PDE1A: variants seen among roughly 807,000 people sequenced by gnomAD.
PDE1A encodes the protein phosphodiesterase 1A, also known as dual specificity calcium/calmodulin-dependent 3',5'-cyclic nucleotide phosphodiesterase 1A.
PDE1A carries 35 observed loss-of-function variants against 61.7 expected under a neutral mutation model. The observed-to-expected ratio is 0.57, with a 90% CI of 0.43 to 0.75. The LOEUF is 0.75. Among genes scored for constraint, PDE1A ranks in the 30% least tolerant of loss-of-function variants. The pLI is 0.00. For synonymous variants in PDE1A, 232 were observed against 213.2 expected (o/e 1.09, Z -0.77); for missense variants, 597 against 630.6 (o/e 0.95, Z 0.57).
the PDE1A span, among the ~76,000 whole-genome samples, chr2:182,630,129 T>C: frequency 6.6e-6 from 1 of 151,950 alleles, no homozygotes; most frequent in Non-Finnish European, 1.5e-5. Context: ...CATTCAAACA[T>C]TTTTTTTCCA....
the PDE1A span, among the ~76,000 whole-genome samples, chr2:182,634,413 T>C: frequency 2.0e-5 from 3 of 152,150 alleles, no homozygotes; most frequent in East Asian, 1.9e-4. Flanking sequence ...CAAATGTTTA[T>C]AATACTAAGA....
intron 2 of PDE1A, among the ~76,000 whole-genome samples, chr2:182,258,164 T>A (rs570114153): frequency 4.1e-4 from 61 of 148,034 alleles, no homozygotes; most frequent in African/African-American, 1.4e-3. Context: ...TGAGACTCCA[T>A]CTCGAAAAAA....
chr2:182,309,076 T>C (rs993172578), intron 1 of PDE1A, among the ~76,000 whole-genome samples: 2 of 151,928 alleles, frequency 1.3e-5, no homozygotes, highest in African/African-American at 2.4e-5. Context: ...AAAGCAGAGT[T>C]TGCAAATTAA....
At chr2:182,661,292 A>C in the PDE1A span, among the ~76,000 whole-genome samples, 1 of 152,172 alleles carries the variant, frequency 6.6e-6, no homozygotes, top group African/African-American at 2.4e-5. Context: ...TAGGTGTATA[A>C]TTTTCTGAGA....
chr2:182,516,062 A>G (rs899984911), intron 2 of PDE1A, among the ~76,000 whole-genome samples: 1 of 151,722 alleles, frequency 6.6e-6, no homozygotes, highest in Non-Finnish European at 1.5e-5. Flanking sequence ...GGCATGTATT[A>G]GATTTTTATT....
intron 1 of PDE1A, among the ~76,000 whole-genome samples, chr2:182,312,616 T>G (rs1472886065): frequency 1.3e-5 from 2 of 152,200 alleles, no homozygotes; most frequent in South Asian, 2.1e-4. Context: ...AGATTGTCCA[T>G]ATATATGTGG....
At chr2:182,407,891 TTA>T (rs1408255219) in intron 1 of PDE1A, among the ~76,000 whole-genome samples, 2 of 152,150 alleles carry the variant, frequency 1.3e-5, no homozygotes, top group Non-Finnish European at 2.9e-5. Context: ...TATGTATATG[TTA>T]TATATGTGTG....
chr2:182,206,735 C>G (rs1300125065), intron 7 of PDE1A, among the ~76,000 whole-genome samples: 2 of 152,152 alleles, frequency 1.3e-5, no homozygotes, highest in Non-Finnish European at 2.9e-5. Flanking sequence ...GGGGAGGGAC[C>G]TGGTGGGAGG....
intron 2 of PDE1A, among the ~76,000 whole-genome samples, chr2:182,482,700 T>C (rs4666837): frequency 0.16 from 24,818 of 151,976 alleles, 2,519 homozygotes; most frequent in Middle Eastern, 0.31. Flanking sequence ...ACTGCCCTAC[T>C]GGGTCAACAT....
the PDE1A span, among the ~76,000 whole-genome samples, chr2:182,612,678 T>G: frequency 5.3e-5 from 8 of 152,218 alleles, no homozygotes; most frequent in Non-Finnish European, 8.8e-5. Context: ...CATTGGGGCC[T>G]CTATAAAGAT....
the PDE1A span, among the ~76,000 whole-genome samples, chr2:182,704,621 A>G: frequency 6.6e-6 from 1 of 152,230 alleles, no homozygotes; most frequent in Non-Finnish European, 1.5e-5. Flanking sequence ...AAAATAATCC[A>G]TTACATATTA....
At chr2:182,234,158 A>G (rs1689812250) in intron 4 of PDE1A, among the ~76,000 whole-genome samples, 1 of 152,182 alleles carries the variant, frequency 6.6e-6, no homozygotes, top group African/African-American at 2.4e-5. Flanking sequence ...TTCAAGATCC[A>G]CATAAATAAA....
At chr2:182,188,671 T>A (rs1685447501) in intron 11 of PDE1A, among the ~76,000 whole-genome samples, 1 of 152,202 alleles carries the variant, frequency 6.6e-6, no homozygotes, top group African/African-American at 2.4e-5. Flanking sequence ...AGAATTAAAT[T>A]ACAGAAAACA....
chr2:182,327,994 C>T (rs745867317), intron 1 of PDE1A, among the ~76,000 whole-genome samples: 1 of 152,172 alleles, frequency 6.6e-6, no homozygotes, highest in Non-Finnish European at 1.5e-5. Flanking sequence ...CAGGCAGGCT[C>T]TTCTACGTTT....
At chr2:182,350,957 G>A (rs1273104239) in intron 1 of PDE1A, among the ~76,000 whole-genome samples, 1 of 152,180 alleles carries the variant, frequency 6.6e-6, no homozygotes, top group East Asian at 1.9e-4. Flanking sequence ...TTACCACTCT[G>A]TAACTTTTAT....
chr2:182,448,607 A>G (rs1559473089), intron 2 of PDE1A, among the ~76,000 whole-genome samples: 2 of 152,116 alleles, frequency 1.3e-5, no homozygotes, highest in African/African-American at 4.8e-5. Flanking sequence ...TTCTTTCCAC[A>G]TTATATCCAA....
intron 1 of PDE1A, among the ~76,000 whole-genome samples, chr2:182,406,742 T>C (rs867203854): frequency 4.3e-4 from 66 of 152,204 alleles, no homozygotes; most frequent in African/African-American, 1.6e-3. Flanking sequence ...TTAGTTGAAA[T>C]TGTGCTGGTA....
chr2:182,426,835 C>T lies in PDE1A; in HGVS notation c.-205G>A, dbSNP rs149646903. 30 of 1,385,434 alleles carry T rather than the reference C, an allele frequency of 2.2e-5. No individual in the cohort carries two copies. In the East Asian group the frequency reaches 4.8e-4, roughly 22 times the overall value. 85.8% of individuals were successfully genotyped at this position (1,385,434 alleles called of 1,614,324 possible). The stretch of plus-strand genomic sequence containing the variant: ...CCATAGAGGCCACATAAGACAGGCA[C>T]GTTGGGGCACTCCCCCACAGAGCAG... On this transcript the variant is annotated 5_prime_UTR_variant, in exon 1 of 14. In the 5' UTR this introduces an upstream ATG that the reference lacks. Coordinates refer to ENST00000351439, the Ensembl canonical transcript of PDE1A.
intron 1 of PDE1A, among the ~76,000 whole-genome samples, chr2:182,382,416 C>G (rs929460070): frequency 3.9e-5 from 6 of 152,200 alleles, no homozygotes; most frequent in South Asian, 2.1e-4. Flanking sequence ...GGAGACTTCA[C>G]TCTCACAGCT....
Sources: gnomAD v4.1 joint callset for allele counts (sites outside exome capture counted in the v4.1 genomes callset) on GRCh38, gnomAD v4.1.1 for gene constraint, MANE v1.5 for transcripts, NCBI Gene and HGNC (gene_info 2026-07-23, HGNC 2026-07-21) for gene names.